The following GFAP variants were observed in gnomAD, a reference collection of about 807,000 sequenced individuals.
GFAP encodes the protein intermediate filament protein.
In GFAP, 38 loss-of-function variants were observed where a neutral mutation model predicts 49.3. The ratio of observed to expected loss-of-function variants is 0.77; its 90% CI spans 0.60 to 1.01. GFAP has a LOEUF of 1.01. Among genes scored for constraint, GFAP ranks in the 50% least tolerant of loss-of-function variants. The pLI is 0.00. For synonymous variants in GFAP, 222 were observed against 236.4 expected (o/e 0.94, Z 0.56); for missense variants, 463 against 579.1 (o/e 0.80, Z 2.06).
chr17:44,905,280 C>T lies in GFAP; in HGVS notation c.*2067G>A. The T allele has an allele frequency of 1.7e-6, 1 of 584,008 alleles. No homozygotes were observed. The highest frequency in any genetic ancestry group is 3.1e-6 in the Non-Finnish European group (1 of 321,152). 36.2% of individuals were successfully genotyped at this position (584,008 alleles called of 1,614,324 possible). A position where few individuals can be genotyped will look rare whatever the true frequency, so the allele number is the denominator to read the frequency against. Reference sequence around the variant, plus strand: ...GGCTGGTGGGAGATTGGGGACTGAGCTCAGGATGGAAGTAGGGCACATGTG... The same window carrying T: ...GGCTGGTGGGAGATTGGGGACTGAGTTCAGGATGGAAGTAGGGCACATGTG... On this transcript the variant is annotated 3_prime_UTR_variant, in exon 9 of 9. Transcript: ENST00000588735.
chr17:44,911,566 G>T lies in GFAP; in HGVS notation c.906+106C>A. ...CCTCTAGCCCGGGGGTAACGTTCAG[G>T]CCCCGCCCTCGACCCAGGTCCTCGT... is the stretch of plus-strand genomic sequence containing the variant. On this transcript the variant is annotated intron_variant, in intron 5 of 8. Coordinates refer to ENST00000588735, the MANE Select transcript of GFAP (RefSeq NM_002055.5). The T allele has an allele frequency of 3.2e-6, 5 of 1,572,104 alleles. No individual in the cohort carries two copies. In the South Asian group the frequency reaches 5.6e-5, roughly 18 times the overall value.
chr17:44,904,082 C>T lies in GFAP; in HGVS notation c.*3265G>A, dbSNP rs772187555. On this transcript the variant is annotated 3_prime_UTR_variant, in exon 9 of 9. Transcript: ENST00000588735. Reference sequence around the variant, plus strand: ...CAAAGTGCTGACGGACTTTGATGGGCGGGTGCTGACGGAGGCAGCCCAGGT... The same window carrying T: ...CAAAGTGCTGACGGACTTTGATGGGTGGGTGCTGACGGAGGCAGCCCAGGT... The T allele has an allele frequency of 3.0e-5, 47 of 1,550,484 alleles. No homozygotes were observed. Among genetic ancestry groups the T allele is most frequent in the African/African-American group, 8.2e-5 (6 of 73,034 alleles).
chr17:44,907,105 C>T lies in GFAP; in HGVS notation c.*242G>A. 1.7e-6 allele frequency: 1 copy of T among 594,276 alleles called. No individual in the cohort carries two copies. The highest frequency in any genetic ancestry group is 1.9e-5 in the South Asian group (1 of 51,602). The allele number at this position is 594,276 out of a possible 1,614,324, so 36.8% of individuals were successfully genotyped here. ...TGCTGGCCATGCCCCTCCAGACTGCCCCTTGGGGGTGAGTTTCTTGTTAGT... is the reference window on the plus strand; with the variant it reads ...TGCTGGCCATGCCCCTCCAGACTGCTCCTTGGGGGTGAGTTTCTTGTTAGT... On this transcript the variant is annotated 3_prime_UTR_variant, in exon 9 of 9. Transcript: ENST00000588735.
chr17:44,904,897 G>T lies in GFAP; in HGVS notation c.*2450C>A, dbSNP rs2051629777. Reference sequence around the variant, plus strand: ...AGGGTGTGCTAGTTGCTGGCTTCCGGCTGGGTGTGACATCTCATGGGCACT... The same window carrying T: ...AGGGTGTGCTAGTTGCTGGCTTCCGTCTGGGTGTGACATCTCATGGGCACT... On this transcript the variant is annotated 3_prime_UTR_variant, in exon 9 of 9. Transcript: ENST00000588735. 1 of 1,550,458 alleles carries T rather than the reference G, an allele frequency of 6.4e-7. No individual in the cohort carries two copies. Among genetic ancestry groups the T allele is most frequent in the African/African-American group, 1.4e-5 (1 of 73,042 alleles).
At chr17:44,910,926 G>A (rs1163427549) in intron 6 of GFAP, 4 of 608,216 alleles carry the variant, frequency 6.6e-6, no homozygotes, top group Non-Finnish European at 1.2e-5. Flanking sequence ...GTTCCAAGGA[G>A]GCAGAAGAGA....
At chr17:44,911,129 G>A in intron 6 of GFAP, 107 bp downstream of exon 6, 2 of 975,720 alleles carry the variant, frequency 2.0e-6, no homozygotes, top group South Asian at 1.3e-5. Flanking sequence ...GAGGTGGGAA[G>A]GGATCTGCAC....
Position 44,913,372 on chromosome 17 carries a change from A to G in GFAP, c.677T>C (p.Val226Ala), listed in dbSNP as rs762919368. 20 of 1,614,034 alleles carry G rather than the reference A, an allele frequency of 1.2e-5. No homozygotes were observed. The highest frequency in any genetic ancestry group is 1.7e-5 in the Non-Finnish European group (20 of 1,179,996). ...GGCTGCGGTGAGGTCTGGCTTGGCCACGTCAAGCTCCACATGGACCTGCTG... is the reference window on the plus strand; with the variant it reads ...GGCTGCGGTGAGGTCTGGCTTGGCCGCGTCAAGCTCCACATGGACCTGCTG... ...ARQQVHVELD[V>A]AKPDLTAALK... Residue 226 changes from valine to alanine, a missense_variant, in exon 4 of 9, where the codon GTG becomes GCG. This residue lies in a region of GFAP where 362 missense variants were observed against 445.5 expected (regional missense o/e 0.81). Coordinates refer to ENST00000588735, the MANE Select transcript of GFAP (RefSeq NM_002055.5).
In GFAP at chr17:44,904,973, C is replaced by G; in HGVS notation, c.*2374G>C. On this transcript the variant is annotated 3_prime_UTR_variant, in exon 9 of 9. Transcript: ENST00000588735. ...GACTCGCTCGGCTGTGGAGCTCACC[C>G]TGATAGGCTACCTGCTCATCACAGC... 1.3e-6 allele frequency: 2 copies of G among 1,550,782 alleles called. No individual in the cohort carries two copies. The highest frequency in any genetic ancestry group is 1.7e-6 in the Non-Finnish European group (2 of 1,147,036).
At chr17:44,910,907 G>C in intron 6 of GFAP, 1 of 616,680 alleles carries the variant, frequency 1.6e-6, no homozygotes, top group South Asian at 2.0e-5. Flanking sequence ...GGGGAAAGTG[G>C]TGAAGAAAGT....
In GFAP at chr17:44,903,285, T is replaced by C. The variant is rs1049112606; in HGVS notation, c.*4062A>G. The C allele has an allele frequency of 1.8e-5, 23 of 1,246,636 alleles. No homozygotes were observed. In the African/African-American group the frequency reaches 3.6e-4, roughly 19 times the overall value. The allele number at this position is 1,246,636 out of a possible 1,614,324, so 77.2% of individuals were successfully genotyped here. On this transcript the variant is annotated 3_prime_UTR_variant, in exon 9 of 9. Transcript: ENST00000588735. ...AACAAATGATCAAATACTACATCAT[T>C]TGAGGTGTTGAATTTTCCCCTAGAG...
In GFAP at chr17:44,907,370, G is replaced by C. The variant is rs1398301848; in HGVS notation, c.1276C>G (p.Gln426Glu). The change falls in exon 9 of 9, where the codon CAG becomes GAG. Residue 426 changes from glutamine (Q) to glutamate (E), a missense_variant. Physicochemically the swap from Gln to Glu is conservative, Grantham distance 29. Around this residue, in one of 3 missense-constraint regions of GFAP, gnomAD observed 362 missense variants for 445.5 expected, o/e 0.81. Coordinates refer to ENST00000588735, the MANE Select transcript of GFAP (RefSeq NM_002055.5). ...RDGEVIKESKQEHKDVM is the reference protein window; with the variant it reads ...RDGEVIKESKEEHKDVM The stretch of plus-strand genomic sequence containing the variant: ...CCTCACATCACATCCTTGTGCTCCT[G>C]CTTGGACTCCTTAATGACCTGCAGG... The C allele has an allele frequency of 1.2e-6, 2 of 1,613,584 alleles. No homozygotes were observed. Among genetic ancestry groups the C allele is most frequent in the Non-Finnish European group, 1.7e-6 (2 of 1,179,516 alleles).
At chr17:44,908,264 C>T (rs1180991357) in intron 7 of GFAP, 115 bp from the exon 8 acceptor site, 2 of 747,638 alleles carry the variant, frequency 2.7e-6, no homozygotes, top group East Asian at 5.0e-5. Context: ...AGAACCTATG[C>T]AACCGAGCAG....
chr17:44,913,820 C>T lies in GFAP; in HGVS notation c.526G>A (p.Ala176Thr). 1.2e-6 allele frequency: 2 copies of T among 1,613,542 alleles called. No homozygotes were observed. The highest frequency in any genetic ancestry group is 2.2e-5 in the South Asian group (2 of 91,076). Residue 176 changes from alanine to threonine, a missense_variant, in exon 3 of 9, where the codon GCA becomes ACA. Physicochemically the swap from Ala to Thr is moderately conservative, Grantham distance 58. This residue lies in a region of GFAP where 362 missense variants were observed against 445.5 expected (regional missense o/e 0.81). Coordinates refer to ENST00000588735, the MANE Select transcript of GFAP (RefSeq NM_002055.5). ...AGACGGGCCAGGGTGGCTTCATCTG[C>T]TTCCTGGAGTGGCAGGAGGGGTGAG... is the stretch of plus-strand genomic sequence containing the variant. ...ENNLAAYRQE[A>T]DEATLARLDL...
In GFAP at chr17:44,904,419, G is replaced by A. The variant is rs1313294394; in HGVS notation, c.*2928C>T. ...CGCATCGGCCTCTGCTACCTGCAGA[G>A]CCCAGACCTCTCCCCACGCTACCTC... On this transcript the variant is annotated 3_prime_UTR_variant, in exon 9 of 9. Transcript: ENST00000588735. 5 of 1,542,238 alleles carry A rather than the reference G, an allele frequency of 3.2e-6. No homozygotes were observed. Among genetic ancestry groups the A allele is most frequent in the African/African-American group, 1.4e-5 (1 of 72,862 alleles).
intron 3 of GFAP, 131 bp downstream of exon 3, chr17:44,913,597 C>T (rs1469350707): frequency 1.9e-6 from 2 of 1,040,992 alleles, no homozygotes; most frequent in East Asian, 4.7e-5. Flanking sequence ...CATTTCCTGT[C>T]TCTACCTGCC....
chr17:44,908,208 C>T, intron 7 of GFAP, 59 bp from the exon 8 acceptor site: 1 of 1,179,100 alleles, frequency 8.5e-7, no homozygotes, highest in South Asian at 1.2e-5. Context: ...CCATCCTCTC[C>T]CATGCCCGGC....
In GFAP at chr17:44,904,318, T is replaced by C. The variant is rs2051615268; in HGVS notation, c.*3029A>G. ...AGGAGCCCTTTGCAGATGAATACTA[T>C]GGGCACCTCCATGTCTTCACCACCT... is the stretch of plus-strand genomic sequence containing the variant. On this transcript the variant is annotated 3_prime_UTR_variant, in exon 9 of 9. Transcript: ENST00000588735. The C allele has an allele frequency of 6.5e-7, 1 of 1,545,064 alleles. No homozygotes were observed. Among genetic ancestry groups the C allele is most frequent in the Non-Finnish European group, 8.7e-7 (1 of 1,143,858 alleles).
chr17:44,913,942 G>C (rs903378821), intron 2 of GFAP, 86 bp downstream of exon 2: 2 of 1,298,376 alleles, frequency 1.5e-6, no homozygotes, highest in African/African-American at 2.9e-5. Flanking sequence ...ACATTGCTCT[G>C]GCGGGCTGAG....
rs2051620705 is a variant in GFAP, at chr17:44,904,539, G to A, written c.*2808C>T. The A allele has an allele frequency of 8.4e-6, 13 of 1,550,532 alleles. No homozygotes were observed. The highest frequency in any genetic ancestry group is 1.7e-4 in the Middle Eastern group (1 of 5,992). ...GACCACACGCCTGAGGTGCTGGTTC[G>A]GAGCTGCTTAGTACCCTGTGAGAAG... is the stretch of plus-strand genomic sequence containing the variant. On this transcript the variant is annotated 3_prime_UTR_variant, in exon 9 of 9. Coordinates refer to ENST00000588735, the MANE Select transcript of GFAP (RefSeq NM_002055.5).
Sources: gnomAD v4.1 joint callset for allele counts on GRCh38, gnomAD v4.1.1 for gene constraint, gnomAD v4.1.1 regional missense constraint, MANE v1.5 for transcripts, NCBI Gene and HGNC (gene_info 2026-07-23, HGNC 2026-07-21) for gene names.